CPEB2: variants seen among roughly 807,000 people sequenced by gnomAD.
CPEB2 encodes the protein cytoplasmic polyadenylation element-binding protein 2.
CPEB2 carries 56 observed loss-of-function variants against 93.6 expected under a neutral mutation model. The observed-to-expected ratio is 0.60, with a 90% CI of 0.48 to 0.75. CPEB2 has a LOEUF of 0.75. Among genes scored for constraint, CPEB2 ranks in the 30% least tolerant of loss-of-function variants. CPEB2 has a pLI of 0.00. For synonymous variants in CPEB2, 764 were observed against 586.3 expected, an observed-to-expected ratio of 1.30 and a Z score of -4.38; for missense variants, 1,579 against 1,395.1, an observed-to-expected ratio of 1.13 and a Z score of -2.10.
At chr4:15,059,491 A>G (rs1729002839) in intron 10 of CPEB2, among the ~76,000 whole-genome samples, 190 bp downstream of exon 10, 1 of 152,136 alleles carries the variant, frequency 6.6e-6, no homozygotes, top group Non-Finnish European at 1.5e-5. Context: ...AAACTCTCCA[A>G]CTGGAGAATT....
chr4:15,003,072 C>A lies in CPEB2; in HGVS notation c.399C>A (p.His133Gln). The A allele has an allele frequency of 6.5e-7, 1 of 1,527,392 alleles. No homozygotes were observed. The highest frequency in any genetic ancestry group is 8.7e-7 in the Non-Finnish European group (1 of 1,144,194). 94.6% of individuals were successfully genotyped at this position (1,527,392 alleles called of 1,614,324 possible). ...GCGGCACGATCGCGGGTGTGACCCA[C>A]CTCCTCCCCTCCCAGGACTTCAAAC... ...PGGGTIAGVT[H>Q]LLPSQDFKPS... The change falls in exon 1 of 12, where the codon CAC becomes CAA. Residue 133 changes from histidine to glutamine, a missense_variant. Around this residue, in one of 2 missense-constraint regions of CPEB2, gnomAD observed 1,411 missense variants for 1,056.0 expected, o/e 1.34. Coordinates refer to ENST00000538197, the MANE Select transcript of CPEB2 (RefSeq NM_001177382.2).
intron 1 of CPEB2, among the ~76,000 whole-genome samples, chr4:15,005,993 A>G (rs954284955): frequency 1.3e-5 from 2 of 152,166 alleles, no homozygotes; most frequent in Non-Finnish European, 2.9e-5. Context: ...ATCCATATTT[A>G]ACTGTAATTT....
chr4:15,043,732 G>C (rs1275617574), intron 6 of CPEB2, among the ~76,000 whole-genome samples: 1 of 151,948 alleles, frequency 6.6e-6, no homozygotes, highest in Non-Finnish European at 1.5e-5. Flanking sequence ...AAATAAAAAC[G>C]TAGTTTAGTT....
At chr4:15,005,686 A>C (rs1722726304) in intron 1 of CPEB2, among the ~76,000 whole-genome samples, 1 of 152,198 alleles carries the variant, frequency 6.6e-6, no homozygotes, top group Non-Finnish European at 1.5e-5. Flanking sequence ...ATATTATCTA[A>C]ATTAACCCAA....
intron 4 of CPEB2, among the ~76,000 whole-genome samples, chr4:15,023,511 AT>A (rs890284203): frequency 1.3e-5 from 2 of 152,078 alleles, no homozygotes; most frequent in African/African-American, 4.8e-5. Context: ...ATTTTGGTGT[AT>A]AATTTTTCCA....
intron 3 of CPEB2, among the ~76,000 whole-genome samples, chr4:15,011,509 T>A (rs1723482059): frequency 6.6e-6 from 1 of 152,046 alleles, no homozygotes. Context: ...CTAAATTATA[T>A]TACAATGGAA....
Position 15,002,920 on chromosome 4 carries a change from TC to T in CPEB2, c.249del (p.Ser84ProfsTer18), listed in dbSNP as rs1202244406. 1 of 1,513,174 alleles carries T rather than the reference TC, an allele frequency of 6.6e-7. No homozygotes were observed. Among genetic ancestry groups the T allele is most frequent in the Non-Finnish European group, 8.8e-7 (1 of 1,140,950 alleles). The allele number at this position is 1,513,174 out of a possible 1,614,324, so 93.7% of individuals were successfully genotyped here. A position where few individuals can be genotyped will look rare whatever the true frequency, so the allele number is the denominator to read the frequency against. ...CAGCCCGGCCGCCGCCGCTTCCTCT[TC>T]CTCCCCGTTCCTGGCGCATCAGCAG... ...AGSPAAAASSSSPFLAHQQTM... is the reference protein window; with the variant it reads ...AGSPAAAASSXSPFLAHQQTM... On this transcript the variant is annotated frameshift_variant, in exon 1 of 12. Coordinates refer to ENST00000538197, the MANE Select transcript of CPEB2 (RefSeq NM_001177382.2). LOFTEE classifies it high-confidence loss of function.
At chr4:15,053,258 C>T (rs969606629) in intron 7 of CPEB2, among the ~76,000 whole-genome samples, 5 of 151,936 alleles carry the variant, frequency 3.3e-5, no homozygotes, top group African/African-American at 7.2e-5. Context: ...CCTCATGATC[C>T]GCCCACTTTA....
intron 1 of CPEB2, chr4:15,005,077 G>A (rs926756341): frequency 2.0e-5 from 3 of 152,218 alleles, no homozygotes; most frequent in Admixed American, 2.0e-4. Context: ...GCCGGCCCAG[G>A]AGGGAGTCGG....
At chr4:15,037,099 G>A (rs1405747924) in intron 5 of CPEB2, among the ~76,000 whole-genome samples, 1 of 151,980 alleles carries the variant, frequency 6.6e-6, no homozygotes, top group Non-Finnish European at 1.5e-5. Context: ...TCAGGAGATC[G>A]AGACCATCCT....
At chr4:15,004,733 C>T (rs1454645057) in intron 1 of CPEB2, among the ~76,000 whole-genome samples, 2 of 151,878 alleles carry the variant, frequency 1.3e-5, no homozygotes, top group Middle Eastern at 3.4e-3. Flanking sequence ...CCGCCCTGTG[C>T]CCTGGGCCTG....
In CPEB2 at chr4:15,033,170, G is replaced by A. The variant is rs1577414774; in HGVS notation, c.2135G>A (p.Ser712Asn). Reference protein sequence around the residue: ...AEHDPLKGRLSYPHPGTDNLL... With the variant: ...AEHDPLKGRLNYPHPGTDNLL... Reference sequence around the variant, plus strand: ...TCCTGTCTTTTTAAAGGTCGATTGAGCTATCCACATCCAGGAACTGACAAT... The same window carrying A: ...TCCTGTCTTTTTAAAGGTCGATTGAACTATCCACATCCAGGAACTGACAAT... The change falls in exon 5 of 12, where the codon AGC becomes AAC. Residue 712 changes from serine to asparagine, a missense_variant. Coordinates refer to ENST00000538197, the MANE Select transcript of CPEB2 (RefSeq NM_001177382.2). The A allele has an allele frequency of 6.9e-6, 11 of 1,604,446 alleles. No homozygotes were observed. The highest frequency in any genetic ancestry group is 9.4e-6 in the Non-Finnish European group (11 of 1,172,482).
chr4:15,018,811 C>A (rs1455282222), intron 4 of CPEB2, among the ~76,000 whole-genome samples: 3 of 140,908 alleles, frequency 2.1e-5, no homozygotes, highest in Non-Finnish European at 3.1e-5. Context: ...ACAAAATGTT[C>A]ATTGTGGCAC....
Position 15,061,523 on chromosome 4 carries a change from T to C in CPEB2, c.2696-556T>C, listed in dbSNP as rs1470032152. 2.0e-5 allele frequency among the ~76,000 whole-genome samples: 3 copies of C among 151,638 alleles called. No individual in the cohort carries two copies. In the East Asian group the frequency reaches 5.9e-4, roughly 30 times the overall value. ...CAATTATAGTGGAGTCATGGTGTGATAGTCTGGTTAGAAAAAGAGTTGAAT... is the reference window on the plus strand; with the variant it reads ...CAATTATAGTGGAGTCATGGTGTGACAGTCTGGTTAGAAAAAGAGTTGAAT... On this transcript the variant is annotated intron_variant, in intron 10 of 11. Transcript: ENST00000538197.
At chr4:15,029,182 C>T (rs564291980) in intron 4 of CPEB2, among the ~76,000 whole-genome samples, 26 of 152,216 alleles carry the variant, frequency 1.7e-4, no homozygotes, top group African/African-American at 6.0e-4. Context: ...TCGTATCATA[C>T]TTGGTGCACA....
chr4:15,049,983 C>T (rs138192253), intron 6 of CPEB2, among the ~76,000 whole-genome samples: 4 of 152,206 alleles, frequency 2.6e-5, no homozygotes, highest in African/African-American at 9.6e-5. Context: ...CATCATGTGT[C>T]ATATTGTTCA....
At chr4:15,011,541 G>A (rs1033708957) in intron 3 of CPEB2, among the ~76,000 whole-genome samples, 2 of 152,104 alleles carry the variant, frequency 1.3e-5, no homozygotes, top group Non-Finnish European at 2.9e-5. Flanking sequence ...ATCCAGCAAT[G>A]TGCACTACTT....
In CPEB2 at chr4:15,062,138, A is replaced by G. The variant is rs1222942073; in HGVS notation, c.2755A>G (p.Thr919Ala). The G allele has an allele frequency of 1.2e-6, 2 of 1,612,556 alleles. No homozygotes were observed. The highest frequency in any genetic ancestry group is 1.7e-5 in the Admixed American group (1 of 59,968). The change falls in exon 11 of 12, where the codon ACA becomes GCA. Residue 919 changes from threonine (T) to alanine (A), a missense_variant. Physicochemically the swap from Thr to Ala is moderately conservative, Grantham distance 58. Coordinates refer to ENST00000538197, the MANE Select transcript of CPEB2 (RefSeq NM_001177382.2). ...YGGVCYAGID[T>A]DPELKYPKGA... is the part of the protein sequence containing the mutation. ...TGGAGTTTGTTATGCAGGAATTGAT[A>G]CAGATCCTGAGCTAAAATACCCAAA...
rs974816259 is a variant in CPEB2 at position 15,052,525 on chromosome 4, G to A, written c.2312G>A (p.Arg771Gln). 7 of 1,588,362 alleles carry A rather than the reference G, an allele frequency of 4.4e-6. No homozygotes were observed. The highest frequency in any genetic ancestry group is 1.7e-5 in the Admixed American group (1 of 58,242). The stretch of plus-strand genomic sequence containing the variant: ...TATTCAGCTCACCAAAATGGAGAGC[G>A]AATAGAACGCTTCTCTCGAAAAGTT... ...TCYSAHQNGE[R>Q]IERFSRKVFV... The change falls in exon 7 of 12, where the codon CGA becomes CAA. Residue 771 changes from arginine to glutamine, a missense_variant. Arg to Gln is a conservative substitution (Grantham distance 43). Coordinates refer to ENST00000538197, the MANE Select transcript of CPEB2 (RefSeq NM_001177382.2).
Sources: gnomAD v4.1 joint callset for allele counts (sites outside exome capture counted in the v4.1 genomes callset) on GRCh38, gnomAD v4.1.1 for gene constraint, gnomAD v4.1.1 regional missense constraint, MANE v1.5 for transcripts, NCBI Gene and HGNC (gene_info 2026-07-23, HGNC 2026-07-21) for gene names.